The following R3HDM1 variants were observed in gnomAD, a reference collection of about 807,000 sequenced individuals.
The protein encoded by R3HDM1 is R3H domain-containing protein 1.
A neutral mutation model predicts 141.1 loss-of-function variants in R3HDM1; 46 were observed. The observed-to-expected ratio is 0.33, with a 90% CI of 0.26 to 0.42. The LOEUF is 0.42. R3HDM1 is among the 10% of genes least tolerant of loss of function. The pLI is 1.00. For synonymous variants in R3HDM1, 435 were observed against 472.9 expected (o/e 0.92, Z 1.04); for missense variants, 1,184 against 1,368.3 (o/e 0.87, Z 2.12).
intron 15 of R3HDM1, chr2:135,645,111 T>G: frequency 4.6e-6 from 1 of 217,062 alleles, no homozygotes; most frequent in Non-Finnish European, 8.8e-6. Context: ...ATTAATTAAA[T>G]TAAGCTCACT....
chr2:135,549,575 A>C (rs1056922650), intron 1 of R3HDM1, among the ~76,000 whole-genome samples: 2 of 151,236 alleles, frequency 1.3e-5, no homozygotes, highest in East Asian at 1.9e-4. Context: ...AAAAAAAAAA[A>C]AAAAAACAAA....
chr2:135,694,468 C>T (rs541353123), intron 21 of R3HDM1, among the ~76,000 whole-genome samples: 2 of 152,220 alleles, frequency 1.3e-5, no homozygotes, highest in South Asian at 4.2e-4. Context: ...TGTTTTTAGC[C>T]AAAATGGAGT....
chr2:135,661,522 C>A (rs1051857196), intron 19 of R3HDM1, 129 bp downstream of exon 19: 5 of 1,189,126 alleles, frequency 4.2e-6, no homozygotes, highest in Non-Finnish European at 5.9e-6. Context: ...TATGAGTTTG[C>A]AAACCAATGA....
chr2:135,582,584 C>T (rs959025548), intron 1 of R3HDM1, among the ~76,000 whole-genome samples: 13 of 152,020 alleles, frequency 8.6e-5, no homozygotes, highest in African/African-American at 3.1e-4. Flanking sequence ...GTACAGGGTG[C>T]AGGGAATGGG....
intron 1 of R3HDM1, among the ~76,000 whole-genome samples, chr2:135,593,854 G>T (rs1205034986): frequency 6.6e-6 from 1 of 152,106 alleles, no homozygotes; most frequent in African/African-American, 2.4e-5. Context: ...CCAAGTAGTG[G>T]GATTACAGGC....
At chr2:135,534,589 G>C (rs1175570653) in intron 1 of R3HDM1, among the ~76,000 whole-genome samples, 1 of 152,176 alleles carries the variant, frequency 6.6e-6, no homozygotes, top group Non-Finnish European at 1.5e-5. Flanking sequence ...ATATTATGAA[G>C]TCTTTCTGAC....
In R3HDM1 at chr2:135,616,182, A is replaced by G; in HGVS notation, c.202A>G (p.Lys68Glu). The G allele has an allele frequency of 6.2e-7, 1 of 1,612,748 alleles. No individual in the cohort carries two copies. Among genetic ancestry groups the G allele is most frequent in the East Asian group, 2.2e-5 (1 of 44,864 alleles). Residue 68 changes from lysine (K) to glutamate (E), a missense_variant, in exon 4 of 27, where the codon AAA becomes GAA. Physicochemically the swap from Lys to Glu is moderately conservative, Grantham distance 56. Transcript: ENST00000683871. ...ATTGCAGTCATTTGGACAGACAGGA[A>G]AAAGGTCTAAGGTATAGTAAATATT... Reference protein sequence around the residue: ...RPLQSFGQTGKRSKSSSKLKL... With the variant: ...RPLQSFGQTGERSKSSSKLKL...
intron 1 of R3HDM1, among the ~76,000 whole-genome samples, chr2:135,552,330 G>A (rs1699987625): frequency 6.6e-6 from 1 of 151,726 alleles, no homozygotes; most frequent in Non-Finnish European, 1.5e-5. Context: ...CAAATAGCTG[G>A]GATTATAGGC....
At chr2:135,629,785 C>A (rs1299735019) in intron 7 of R3HDM1, among the ~76,000 whole-genome samples, 2 of 152,064 alleles carry the variant, frequency 1.3e-5, no homozygotes, top group East Asian at 3.9e-4. Flanking sequence ...ATGTTTAGTT[C>A]TAAGAACAGT....
intron 7 of R3HDM1, among the ~76,000 whole-genome samples, chr2:135,630,293 A>C (rs534697246): frequency 2.5e-4 from 37 of 145,508 alleles, no homozygotes; most frequent in East Asian, 1.8e-3. Flanking sequence ...AAAAAAAAAA[A>C]AAAAAAAAAA....
intron 3 of R3HDM1, among the ~76,000 whole-genome samples, chr2:135,610,784 A>G (rs967451684): frequency 1.6e-4 from 25 of 152,108 alleles, no homozygotes; most frequent in African/African-American, 4.6e-4. Flanking sequence ...TCAAATAATA[A>G]TCTTAGCTAT....
chr2:135,607,704 A>AT (rs776301264), intron 3 of R3HDM1: 76 of 287,758 alleles, frequency 2.6e-4, no homozygotes, highest in Non-Finnish European at 3.8e-4. Context: ...AATTTGGGTT[A>AT]TTGCATTTCC....
chr2:135,603,410 A>G (rs2059785109), intron 2 of R3HDM1, among the ~76,000 whole-genome samples: 1 of 152,108 alleles, frequency 6.6e-6, no homozygotes, highest in African/African-American at 2.4e-5. Context: ...TATTACGAAA[A>G]TTTTCAGAAA....
chr2:135,715,632 G>A lies in R3HDM1; in HGVS notation c.2819G>A (p.Arg940His), dbSNP rs375783235. Residue 940 changes from arginine to histidine, a missense_variant, in exon 24 of 27, where the codon CGT becomes CAT. Coordinates refer to ENST00000683871, the MANE Select transcript of R3HDM1 (RefSeq NM_001378107.1). ...CAGCTGTCCACCCTGAAAACTGTAC[G>A]TCCCTCTGGACCACCACTTTCCATC... ...PAQLSTLKTVRPSGPPLSIMP... is the reference protein window; with the variant it reads ...PAQLSTLKTVHPSGPPLSIMP... 2.5e-5 allele frequency: 40 copies of A among 1,613,708 alleles called. No homozygotes were observed. Among genetic ancestry groups the A allele is most frequent in the South Asian group, 3.3e-5 (3 of 91,042 alleles).
At chr2:135,562,028 C>T (rs1701896846) in intron 1 of R3HDM1, among the ~76,000 whole-genome samples, 1 of 152,156 alleles carries the variant, frequency 6.6e-6, no homozygotes. Flanking sequence ...GAATGGTCAC[C>T]AGAATGTCTC....
intron 1 of R3HDM1, among the ~76,000 whole-genome samples, chr2:135,563,541 G>A (rs1009888425): frequency 6.6e-6 from 1 of 152,068 alleles, no homozygotes; most frequent in African/African-American, 2.4e-5. Flanking sequence ...TTTTTGGCAA[G>A]GTATTTGGTA....
chr2:135,538,041 A>G (rs1696614470), intron 1 of R3HDM1, among the ~76,000 whole-genome samples: 1 of 152,214 alleles, frequency 6.6e-6, no homozygotes, highest in African/African-American at 2.4e-5. Context: ...GAAATGTGTC[A>G]TTAGAGAGTT....
At chr2:135,653,054 TA>T (rs529959315) in intron 18 of R3HDM1, among the ~76,000 whole-genome samples, 213 of 138,968 alleles carry the variant, frequency 1.5e-3, no homozygotes, top group Middle Eastern at 3.7e-3. Context: ...TTGATGTTCT[TA>T]AAAAAAAAAA....
At chr2:135,669,195 G>A (rs925664777) in intron 19 of R3HDM1, 14 of 984,954 alleles carry the variant, frequency 1.4e-5, no homozygotes, top group African/African-American at 1.7e-5. Context: ...AGTAAACCAC[G>A]CATCTTGCGG....
Sources: allele counts gnomAD v4.1 joint callset (sites outside exome capture counted in the v4.1 genomes callset), GRCh38; gene constraint gnomAD v4.1.1; transcripts MANE v1.5; gene names NCBI Gene and HGNC (gene_info 2026-07-23, HGNC 2026-07-21).